Variants in SAMD5 observed in about 807,000 individuals in gnomAD.
SAMD5 encodes sterile alpha motif domain-containing protein 5.
Under a neutral mutation model 11.3 loss-of-function variants are expected in SAMD5, and 13 were observed. That is an observed-to-expected ratio of 1.15 (90% CI 0.75 to 1.83). The LOEUF (loss-of-function observed/expected upper bound fraction) is 1.83. SAMD5 is among the 40% of genes most tolerant of loss of function. The pLI is 0.00. For missense variants in SAMD5, 255 were observed against 239.1 expected, an observed-to-expected ratio of 1.07 and a Z score of -0.44; for synonymous variants, 129 against 111.3, an observed-to-expected ratio of 1.16 and a Z score of -1.00.
At chr6:147,619,497 C>A (rs868592137) in intron 1 of SAMD5, among the ~76,000 whole-genome samples, 2 of 152,102 alleles carry the variant, frequency 1.3e-5, no homozygotes, top group African/African-American at 4.8e-5. Context: ...TGTGAGGATA[C>A]GTTTAAGTAA....
chr6:147,568,177 C>A lies in SAMD5; in HGVS notation c.*3721C>A. ...ATAGCATCTTCTGGGAAGAATCCAA[C>A]CAAGATACAAAGCAGATGATGGTGG... is the stretch of plus-strand genomic sequence containing the variant. On this transcript the variant is annotated 3_prime_UTR_variant, in exon 2 of 2. Coordinates refer to ENST00000367474, the MANE Select transcript of SAMD5 (RefSeq NM_001030060.3). 1 of 985,212 alleles carries A rather than the reference C, an allele frequency of 1.0e-6. No individual in the cohort carries two copies. The highest frequency in any genetic ancestry group is 1.2e-6 in the Non-Finnish European group (1 of 829,868). 61.0% of individuals were successfully genotyped at this position (985,212 alleles called of 1,614,324 possible). A position where few individuals can be genotyped will look rare whatever the true frequency, so the allele number is the denominator to read the frequency against.
chr6:147,808,675 C>A, the SAMD5 span, among the ~76,000 whole-genome samples: 4 of 152,122 alleles, frequency 2.6e-5, no homozygotes, highest in East Asian at 7.7e-4. Context: ...GGCAAAAGTT[C>A]AGCTATTTTA....
intron 1 of SAMD5, among the ~76,000 whole-genome samples, chr6:147,714,741 A>C (rs1052811042): frequency 1.3e-5 from 2 of 152,184 alleles, no homozygotes; most frequent in East Asian, 3.9e-4. Context: ...GCTTGTTATA[A>C]TACAGATTCC....
chr6:147,575,868 A>G (rs1356183614), intron 1 of SAMD5, among the ~76,000 whole-genome samples: 2 of 152,208 alleles, frequency 1.3e-5, no homozygotes, highest in African/African-American at 4.8e-5. Context: ...TCTTTAAATC[A>G]TTATTTAGAC....
the SAMD5 span, among the ~76,000 whole-genome samples, chr6:147,914,869 C>T: frequency 5.3e-5 from 8 of 151,860 alleles, no homozygotes; most frequent in East Asian, 1.9e-4. Flanking sequence ...ATAATCATGA[C>T]GAAACATCAG....
At chr6:147,570,404 T>C (rs1245788185), downstream of SAMD5, among the ~76,000 whole-genome samples, 1 of 152,152 alleles carries the variant, frequency 6.6e-6, no homozygotes, top group Non-Finnish European at 1.5e-5. Flanking sequence ...CAGCCCTGAA[T>C]CTCTATCACC....
At chr6:147,803,115 C>A in the SAMD5 span, among the ~76,000 whole-genome samples, 1 of 146,264 alleles carries the variant, frequency 6.8e-6, no homozygotes, top group Non-Finnish European at 1.5e-5. Context: ...ACATATAAGA[C>A]TTTTGGCCTT....
At chr6:147,515,717 G>A (rs902853944) in intron 1 of SAMD5, among the ~76,000 whole-genome samples, 5 of 152,126 alleles carry the variant, frequency 3.3e-5, no homozygotes, top group African/African-American at 1.2e-4. Flanking sequence ...GTCTCTGCTT[G>A]TATGTGGAGG....
chr6:147,546,876 G>A (rs904693701), intron 1 of SAMD5, among the ~76,000 whole-genome samples: 1 of 152,176 alleles, frequency 6.6e-6, no homozygotes, highest in Admixed American at 6.5e-5. Context: ...TTAGCTGGTT[G>A]TATCTAGATT....
intron 1 of SAMD5, among the ~76,000 whole-genome samples, chr6:147,733,232 G>A (rs1791743252): frequency 6.6e-6 from 1 of 152,212 alleles, no homozygotes; most frequent in Non-Finnish European, 1.5e-5. Context: ...ACAGCATCAA[G>A]TTTGAAGGGA....
chr6:147,559,481 G>A (rs756388973), intron 1 of SAMD5, among the ~76,000 whole-genome samples: 1 of 152,154 alleles, frequency 6.6e-6, no homozygotes, highest in African/African-American at 2.4e-5. Flanking sequence ...CCGCAGAGAA[G>A]TCATGAATGA....
At chr6:147,919,523 CAA>C in the SAMD5 span, among the ~76,000 whole-genome samples, 1 of 152,108 alleles carries the variant, frequency 6.6e-6, no homozygotes, top group Non-Finnish European at 1.5e-5. Flanking sequence ...TGAAACATGG[CAA>C]AGATTCATTG....
intron 1 of SAMD5, among the ~76,000 whole-genome samples, chr6:147,689,516 G>C (rs185641495): frequency 5.9e-5 from 9 of 152,250 alleles, no homozygotes; most frequent in African/African-American, 1.9e-4. Flanking sequence ...GAAGTTATTA[G>C]GTACTTATCT....
At position 147,645,904 on chromosome 6, in the gene SAMD5, G is replaced by A. The variant is rs1415654431; in HGVS notation, c.163-91413G>A. Among the ~76,000 whole-genome samples the A allele has an allele frequency of 6.6e-5, 10 of 152,098 alleles. No homozygotes were observed. The East Asian group carries it at 7.7e-4, about 12-fold the overall frequency. ...CATCCACGGGCCGGAACTGGCTCTC[G>A]GATCATCAGTTTGTGATAGACTAGG... On this transcript the variant is annotated intron_variant, in intron 1 of 1. Transcript: ENST00000566741.
intron 1 of SAMD5, among the ~76,000 whole-genome samples, chr6:147,658,131 T>G (rs754019394): frequency 2.0e-5 from 3 of 152,310 alleles, no homozygotes; most frequent in Non-Finnish European, 2.9e-5. Context: ...GTGTAAAACT[T>G]TCAGGCCAGT....
the SAMD5 span, among the ~76,000 whole-genome samples, chr6:147,774,950 C>A: frequency 1.3e-5 from 2 of 152,116 alleles, no homozygotes; most frequent in Non-Finnish European, 2.9e-5. Flanking sequence ...CAATTCCTTT[C>A]ATTTACTTAA....
chr6:147,764,726 CAG>C, the SAMD5 span, among the ~76,000 whole-genome samples: 2 of 152,164 alleles, frequency 1.3e-5, no homozygotes, highest in East Asian at 1.9e-4. Context: ...TATATAAAAA[CAG>C]AGCAATATTT....
the SAMD5 span, among the ~76,000 whole-genome samples, chr6:147,755,013 C>A: frequency 6.6e-6 from 1 of 152,040 alleles, no homozygotes; most frequent in Non-Finnish European, 1.5e-5. Context: ...CAGTTTTATT[C>A]TTTTCGCTTA....
At chr6:147,853,227 C>G in the SAMD5 span, among the ~76,000 whole-genome samples, 1 of 152,036 alleles carries the variant, frequency 6.6e-6, no homozygotes, top group African/African-American at 2.4e-5. Context: ...CTCTAAGTCT[C>G]AGTAATTGGA....
Sources: gnomAD v4.1 joint callset for allele counts (sites outside exome capture counted in the v4.1 genomes callset) on GRCh38, gnomAD v4.1.1 for gene constraint, MANE v1.5 for transcripts, NCBI Gene and HGNC (gene_info 2026-07-23, HGNC 2026-07-21) for gene names.